Variants in ANXA8 observed in about 807,000 individuals in gnomAD.
ANXA8 encodes VAC-beta.
In ANXA8, 9 loss-of-function variants were observed where a neutral mutation model predicts 26.8. The ratio of observed to expected loss-of-function variants is 0.34; its 90% CI spans 0.20 to 0.59. The LOEUF (loss-of-function observed/expected upper bound fraction) is 0.59, where lower values mean the gene tolerates loss of function less well. Ranked by LOEUF, ANXA8 falls within the 20% of genes least tolerant of loss-of-function variation. The probability of loss-of-function intolerance (pLI) is 0.84; values close to 1 mark genes in which losing one functional copy is unlikely to be tolerated. For synonymous variants in ANXA8, 39 were observed against 94.8 expected, an observed-to-expected ratio of 0.41 and a Z score of 3.42; for missense variants, 83 against 238.5, an observed-to-expected ratio of 0.35 and a Z score of 4.29.
At chr10:47,646,540 A>G in the ANXA8 span, among the ~76,000 whole-genome samples, 7 of 151,292 alleles carry the variant, frequency 4.6e-5, no homozygotes, top group Non-Finnish European at 1.0e-4. Flanking sequence ...CTACTTTTAC[A>G]CTAATGCAGC....
chr10:47,564,270 G>C, the ANXA8 span: 2 of 564,196 alleles, frequency 3.5e-6, no homozygotes, highest in Non-Finnish European at 6.2e-6. Context: ...CCGGGGACCG[G>C]CTCCCCAGGA....
At chr10:47,480,863 T>C (rs1380233787) in intron 1 of ANXA8, among the ~76,000 whole-genome samples, 10 of 8,406 alleles carry the variant, frequency 1.2e-3, no homozygotes, top group Admixed American at 9.3e-3. Flanking sequence ...CACCCGCCCA[T>C]CCATCCATCC....
chr10:47,686,442 C>T, the ANXA8 span, among the ~76,000 whole-genome samples: 4 of 151,878 alleles, frequency 2.6e-5, no homozygotes. Flanking sequence ...GAACTCCTGA[C>T]CTCAGGTGAT....
chr10:47,486,936 G>T (rs1840059899), upstream of ANXA8, among the ~76,000 whole-genome samples: 1 of 150,400 alleles, frequency 6.6e-6, no homozygotes, highest in Admixed American at 6.7e-5. Flanking sequence ...TCACACCATT[G>T]CCCTCCAGCC....
At chr10:47,593,823 G>T in the ANXA8 span, among the ~76,000 whole-genome samples, 1 of 145,150 alleles carries the variant, frequency 6.9e-6, no homozygotes, top group African/African-American at 2.8e-5. Flanking sequence ...TTTGGAGGGT[G>T]TTGCCAAAGG....
the ANXA8 span, chr10:47,502,998 G>A: frequency 6.3e-7 from 1 of 1,577,126 alleles, no homozygotes; most frequent in Non-Finnish European, 8.6e-7. Context: ...TACCGGGGCT[G>A]AAGCATATGG....
the ANXA8 span, among the ~76,000 whole-genome samples, chr10:47,608,175 T>C: frequency 8.2e-6 from 1 of 122,112 alleles, no homozygotes; most frequent in Non-Finnish European, 1.6e-5. Context: ...TACATATACA[T>C]ATATACATAC....
At chr10:47,711,226 A>AC in the ANXA8 span, among the ~76,000 whole-genome samples, 1 of 144,590 alleles carries the variant, frequency 6.9e-6, no homozygotes, top group Non-Finnish European at 1.5e-5. Flanking sequence ...TTAAAATATG[A>AC]CCCATGATTA....
the ANXA8 span, among the ~76,000 whole-genome samples, chr10:47,516,546 AAC>A: frequency 3.6e-5 from 5 of 137,184 alleles, no homozygotes; most frequent in African/African-American, 5.6e-5. Context: ...GACAGAAGGA[AAC>A]ACAGAATCTA....
chr10:47,918,376 AG>A, the ANXA8 span, among the ~76,000 whole-genome samples: 1 of 17,710 alleles, frequency 5.6e-5, no homozygotes, highest in African/African-American at 4.5e-4. Context: ...AGAGAGAGAG[AG>A]AGAGAGAGAA....
chr10:47,671,906 T>C, the ANXA8 span, among the ~76,000 whole-genome samples: 4 of 151,942 alleles, frequency 2.6e-5, no homozygotes, highest in Admixed American at 6.5e-5. Flanking sequence ...CCGTGCCCAA[T>C]TGGTTTCTTT....
At chr10:47,474,845 T>C in intron 7 of ANXA8, 100 bp downstream of exon 7, 2 of 1,407,512 alleles carry the variant, frequency 1.4e-6, no homozygotes, top group African/African-American at 1.5e-5. Context: ...CTGAGCTGGG[T>C]GGGTCCCAGC....
the ANXA8 span, among the ~76,000 whole-genome samples, chr10:47,493,845 G>C: frequency 7.0e-6 from 1 of 143,052 alleles, no homozygotes; most frequent in Non-Finnish European, 1.5e-5. Flanking sequence ...TGGCCTTCTG[G>C]GCGAGGCTGG....
chr10:47,673,229 A>G, the ANXA8 span, among the ~76,000 whole-genome samples: 7 of 151,746 alleles, frequency 4.6e-5, no homozygotes, highest in African/African-American at 1.7e-4. Flanking sequence ...AGCCTGGGCC[A>G]GTGACGAACT....
At chr10:47,895,137 C>A in the ANXA8 span, among the ~76,000 whole-genome samples, 19 of 151,500 alleles carry the variant, frequency 1.3e-4, no homozygotes, top group African/African-American at 4.6e-4. Context: ...GCATAGTCAG[C>A]AAGATAAGTG....
At chr10:47,991,725 C>T in the ANXA8 span, 8 of 1,611,008 alleles carry the variant, frequency 5.0e-6, no homozygotes, top group African/African-American at 4.0e-5. Flanking sequence ...GGGCACCTTT[C>T]TCACGGAGAT....
At chr10:47,594,086 T>G in the ANXA8 span, among the ~76,000 whole-genome samples, 2 of 148,262 alleles carry the variant, frequency 1.3e-5, no homozygotes, top group Non-Finnish European at 2.9e-5. Context: ...AAGGCTGCAC[T>G]GTCAGCTTCC....
chr10:47,768,439 C>T, the ANXA8 span, among the ~76,000 whole-genome samples: 1 of 151,264 alleles, frequency 6.6e-6, no homozygotes, highest in African/African-American at 2.4e-5. Flanking sequence ...AGAGTGGTGA[C>T]AGACTAAGAC....
the ANXA8 span, among the ~76,000 whole-genome samples, chr10:47,561,839 T>G: frequency 2.0e-5 from 3 of 150,884 alleles, no homozygotes; most frequent in Non-Finnish European, 4.4e-5. Flanking sequence ...ATAAACGATA[T>G]GAAGAAACAA....
Sources: allele counts gnomAD v4.1 joint callset (sites outside exome capture counted in the v4.1 genomes callset), GRCh38; gene constraint gnomAD v4.1.1; transcripts MANE v1.5; gene names NCBI Gene and HGNC (gene_info 2026-07-23, HGNC 2026-07-21).